Variants in CD101 observed in about 807,000 individuals in gnomAD.
CD101 encodes the protein CD101 molecule, also known as immunoglobulin superfamily member 2.
In CD101, 76 loss-of-function variants were observed where a neutral mutation model predicts 98.2. The ratio of observed to expected loss-of-function variants is 0.77; its 90% confidence interval spans 0.64 to 0.94. The LOEUF (loss-of-function observed/expected upper bound fraction) is 0.94. CD101 is among the 40% of genes least tolerant of loss of function. The probability of loss-of-function intolerance (pLI) is 0.00; values close to 1 mark genes in which losing one functional copy is unlikely to be tolerated. For missense variants in CD101, 1,145 were observed against 1,218.8 expected, an observed-to-expected ratio of 0.94 and a Z score of 0.90; for synonymous variants, 471 against 472.7, an observed-to-expected ratio of 1.00 and a Z score of 0.05.
intron 7 of CD101, among the ~76,000 whole-genome samples, chr1:117,024,979 T>C (rs930222927): frequency 4.6e-5 from 7 of 152,076 alleles, no homozygotes; most frequent in Non-Finnish European, 7.4e-5. Flanking sequence ...AGGCAAGCAG[T>C]TGGGCTAAAG....
rs1313797607 is a variant in CD101, at chr1:117,018,189, A to G, written c.1646A>G (p.Gln549Arg). ...SSLQVSLMSR[Q>R]PQVMLTNTFD... ...TTACAAGTTAGTCTGATGAGCCGTC[A>G]GCCGCAAGTGATGTTAACCAACACC... The change falls in exon 6 of 10, where the codon CAG becomes CGG. Residue 549 changes from glutamine to arginine, a missense_variant. Physicochemically the swap from Gln to Arg is conservative, Grantham distance 43. Coordinates refer to ENST00000682167, the MANE Select transcript of CD101 (RefSeq NM_001256106.3). This position sits in a 1 kb window ranked among gnomAD's most constrained non-coding sequence, Gnocchi z 4.3. 3.1e-6 allele frequency: 5 copies of G among 1,606,310 alleles called. No individual in the cohort carries two copies. The highest frequency in any genetic ancestry group is 1.7e-5 in the Admixed American group (1 of 59,120).
intron 9 of CD101, among the ~76,000 whole-genome samples, chr1:117,035,664 C>T (rs1355270730): frequency 6.6e-6 from 1 of 152,038 alleles, no homozygotes; most frequent in Non-Finnish European, 1.5e-5. Context: ...ATCCTCCTGC[C>T]TCAGCCTCCC....
At chr1:117,009,690 T>A (rs1557765197) in intron 1 of CD101, among the ~76,000 whole-genome samples, 160 bp from the exon 2 acceptor site, 2 of 152,266 alleles carry the variant, frequency 1.3e-5, no homozygotes, top group South Asian at 2.1e-4. Flanking sequence ...ATTCCACTGC[T>A]GCTCAGCCTG....
In CD101 at chr1:117,018,278, T is replaced by G; in HGVS notation, c.1735T>G (p.Trp579Gly). 1 of 1,614,212 alleles carries G rather than the reference T, an allele frequency of 6.2e-7. No homozygotes were observed. Among genetic ancestry groups the G allele is most frequent in the Non-Finnish European group, 8.5e-7 (1 of 1,180,030 alleles). ...CCTCAAGGTGCCACTCACTGTGACG[T>G]GGCAGTTCCAGCCAGCTAGCTCTCA... ...SDLKVPLTVT[W>G]QFQPASSHIF... The change falls in exon 6 of 10, where the codon TGG (tryptophan) becomes GGG (glycine). Residue 579 changes from tryptophan to glycine, a missense_variant. Transcript: ENST00000682167. This position sits in a 1 kb window ranked among gnomAD's most constrained non-coding sequence, Gnocchi z 4.3.
chr1:117,024,614 C>T (rs1653789417), intron 7 of CD101, among the ~76,000 whole-genome samples: 1 of 152,194 alleles, frequency 6.6e-6, no homozygotes, highest in Admixed American at 6.5e-5. Flanking sequence ...TAAATCCTCA[C>T]CTGCTGGTTA....
intron 9 of CD101, among the ~76,000 whole-genome samples, chr1:117,035,838 C>T (rs867832099): frequency 5.9e-5 from 9 of 152,216 alleles, no homozygotes; most frequent in Non-Finnish European, 1.2e-4. Context: ...AGGCGTGAGC[C>T]ACCACGCCCG....
At chr1:117,020,975 C>T (rs1473685669) in intron 6 of CD101, among the ~76,000 whole-genome samples, 3 of 152,222 alleles carry the variant, frequency 2.0e-5, no homozygotes, top group African/African-American at 4.8e-5. Flanking sequence ...GATTAGTTGG[C>T]TCCATATCTA....
At chr1:117,015,471 T>G (rs1433027258) in intron 4 of CD101, among the ~76,000 whole-genome samples, 1 of 152,122 alleles carries the variant, frequency 6.6e-6, no homozygotes, top group Non-Finnish European at 1.5e-5. Context: ...AAAACTAAAT[T>G]TGAAAGCAGA....
At chr1:117,002,524 T>C (rs1652290227) in intron 1 of CD101, among the ~76,000 whole-genome samples, 1 of 152,116 alleles carries the variant, frequency 6.6e-6, no homozygotes, top group African/African-American at 2.4e-5. Context: ...GAGCAGGTAA[T>C]GGAATAGTTT....
Position 117,003,457 on chromosome 1 carries a change from C to A in CD101, c.43+1597C>A, listed in dbSNP as rs373430115. ...ACGGATGCCTGCCAGACTGGCTTGG[C>A]GGGTGTTGATGGATAGGTGCACTGG... On this transcript the variant is annotated intron_variant, in intron 1 of 9. Transcript: ENST00000682167. 1.8e-3 allele frequency among the ~76,000 whole-genome samples: 276 copies of A among 152,102 alleles called. 2 individuals are homozygous for A. The highest frequency in any genetic ancestry group is 6.8e-3 in the Middle Eastern group (2 of 294).
intron 9 of CD101, 105 bp downstream of exon 9, chr1:117,034,239 T>C (rs1654657791): frequency 9.9e-6 from 10 of 1,009,308 alleles, no homozygotes; most frequent in Non-Finnish European, 1.4e-6. Flanking sequence ...AGAGGGAGCA[T>C]TCACTGAGTG....
At chr1:117,014,165 A>G (rs1385520616) in intron 4 of CD101, among the ~76,000 whole-genome samples, 1 of 149,256 alleles carries the variant, frequency 6.7e-6, no homozygotes, top group African/African-American at 2.5e-5. Context: ...GAACATGTGT[A>G]TTAATGAAGC....
chr1:117,020,006 A>G (rs1653480704), intron 6 of CD101, among the ~76,000 whole-genome samples: 1 of 151,984 alleles, frequency 6.6e-6, no homozygotes, highest in African/African-American at 2.4e-5. Context: ...AATTACTGGC[A>G]GCTCCTCAAT....
rs1653570990 is a variant in CD101 at position 117,021,376 on chromosome 1, G to C, written c.2018-197G>C. 6.6e-6 allele frequency among the ~76,000 whole-genome samples: 1 copy of C among 152,300 alleles called. No homozygotes were observed. The highest frequency in any genetic ancestry group is 1.5e-5 in the Non-Finnish European group (1 of 68,026). On this transcript the variant is annotated intron_variant, in intron 6 of 9. Transcript: ENST00000682167. This position sits in a 1 kb window ranked among gnomAD's most constrained non-coding sequence, Gnocchi z 4.7. ...GAAAGCATTCTGGAGGGGCAGAGCT[G>C]TCCAGAGATGAAATGGGCTGCCTTG... is the stretch of plus-strand genomic sequence containing the variant.
chr1:117,015,516 A>G (rs932911479), intron 4 of CD101, among the ~76,000 whole-genome samples: 4 of 152,214 alleles, frequency 2.6e-5, no homozygotes, highest in African/African-American at 9.7e-5. Flanking sequence ...ATGGACATTA[A>G]CCCTCATTCT....
At chr1:117,032,209 T>G (rs1654503649) in intron 8 of CD101, 1 of 152,240 alleles carries the variant, frequency 6.6e-6, no homozygotes, top group East Asian at 1.9e-4. Flanking sequence ...GCCAGCCCCA[T>G]TCAGAGCTGC....
intron 6 of CD101, among the ~76,000 whole-genome samples, chr1:117,020,133 A>G (rs1015107591): frequency 6.6e-6 from 1 of 152,098 alleles, no homozygotes; most frequent in Non-Finnish European, 1.5e-5. Context: ...TCAGCTCAGA[A>G]TTATCTCCTC....
At chr1:117,031,082 G>A (rs1481232954) in intron 8 of CD101, among the ~76,000 whole-genome samples, 1 of 152,190 alleles carries the variant, frequency 6.6e-6, no homozygotes, top group Non-Finnish European at 1.5e-5. Context: ...TGGGTGAGAG[G>A]CAGATGGTGG....
intron 8 of CD101, chr1:117,026,307 G>C (rs1653925355): frequency 5.7e-6 from 1 of 175,644 alleles, no homozygotes; most frequent in Non-Finnish European, 1.2e-5. Context: ...TAAGAGACCA[G>C]CTAGCTTTAG....
Sources: allele counts gnomAD v4.1 joint callset (sites outside exome capture counted in the v4.1 genomes callset), GRCh38; gene constraint gnomAD v4.1.1; non-coding constraint Gnocchi (gnomAD v3.1); transcripts MANE v1.5; gene names NCBI Gene and HGNC (gene_info 2026-07-23, HGNC 2026-07-21).